The following KCNH5 variants were observed in gnomAD, a reference collection of about 807,000 sequenced individuals.
The protein encoded by KCNH5 is potassium voltage-gated channel subfamily H member 5, also known as voltage-gated delayed rectifier potassium channel KCNH5.
A neutral mutation model predicts 96.1 loss-of-function variants in KCNH5; 46 were observed. The ratio of observed to expected loss-of-function variants is 0.48; its 90% CI spans 0.38 to 0.61. The LOEUF (loss-of-function observed/expected upper bound fraction) is 0.61. KCNH5 is among the 20% of genes least tolerant of loss of function. The pLI is 0.00. For missense variants in KCNH5, 907 were observed against 1,225.8 expected, an observed-to-expected ratio of 0.74 and a Z score of 3.88; for synonymous variants, 439 against 449.8, an observed-to-expected ratio of 0.98 and a Z score of 0.30.
At chr14:62,942,634 A>G (rs895399284) in intron 7 of KCNH5, among the ~76,000 whole-genome samples, 3 of 152,124 alleles carry the variant, frequency 2.0e-5, no homozygotes, top group Non-Finnish European at 4.4e-5. Context: ...TACACATCCC[A>G]CTGGCAGATG....
At chr14:63,044,256 A>T (rs370460921) in intron 1 of KCNH5, among the ~76,000 whole-genome samples, 24 of 152,352 alleles carry the variant, frequency 1.6e-4, no homozygotes, top group African/African-American at 5.5e-4. Flanking sequence ...TAAGATGCAA[A>T]GTTTATAAGG....
intron 4 of KCNH5, among the ~76,000 whole-genome samples, chr14:62,991,357 T>A (rs960593636): frequency 1.3e-5 from 2 of 151,890 alleles, no homozygotes; most frequent in African/African-American, 4.8e-5. Flanking sequence ...CTGGAAGTGT[T>A]AAGGATTATA....
At chr14:62,993,570 A>G (rs1025252539) in intron 4 of KCNH5, among the ~76,000 whole-genome samples, 2 of 152,018 alleles carry the variant, frequency 1.3e-5, no homozygotes, top group Non-Finnish European at 2.9e-5. Context: ...ACTTTGAAGT[A>G]GATTCTAAAT....
intron 2 of KCNH5, among the ~76,000 whole-genome samples, chr14:63,015,718 C>T (rs768084150): frequency 2.9e-4 from 44 of 151,920 alleles, no homozygotes; most frequent in Admixed American, 1.6e-3. Context: ...GCAGTTATAA[C>T]GCCCTGTGGA....
rs951183208 is a variant in KCNH5, at chr14:63,045,436, C to T, written c.-250G>A. 1.3e-5 allele frequency: 7 copies of T among 523,774 alleles called. No homozygotes were observed. Among genetic ancestry groups the T allele is most frequent in the Middle Eastern group, 5.1e-4 (1 of 1,944 alleles). 32.4% of individuals were successfully genotyped at this position (523,774 alleles called of 1,614,324 possible). On this transcript the variant is annotated 5_prime_UTR_variant, in exon 1 of 11. Coordinates refer to ENST00000322893, the MANE Select transcript of KCNH5 (RefSeq NM_139318.5). ...GCCGCTGCCCAGACTGTGGCGGTGC[C>T]GCACACGGGGCTCGGGAACTGCAGG...
Position 62,761,359 on chromosome 14 carries a change from A to ATC in KCNH5, c.2019+18368_2019+18369insGA, listed in dbSNP as rs1424062867. 7.5e-4 allele frequency among the ~76,000 whole-genome samples: 106 copies of ATC among 140,444 alleles called. No individual in the cohort carries two copies. The Middle Eastern group carries it at 0.011, about 14-fold the overall frequency. 92.1% of individuals were successfully genotyped at this position (140,444 alleles called of 152,430 possible). Reference sequence around the variant, plus strand: ...GACAGAATGAGACTCACTCTCTCAAAAAAAAAAAAAAAAGGATTATGGTCC... The same window carrying ATC: ...GACAGAATGAGACTCACTCTCTCAAATCAAAAAAAAAAAAAGGATTATGGTCC... On this transcript the variant is annotated intron_variant, in intron 10 of 10. Transcript: ENST00000322893.
intron 6 of KCNH5, among the ~76,000 whole-genome samples, chr14:62,955,966 C>A (rs547856789): frequency 6.6e-6 from 1 of 152,290 alleles, no homozygotes; most frequent in South Asian, 2.1e-4. Context: ...GAGTGCATTT[C>A]CCACAACAAC....
intron 7 of KCNH5, among the ~76,000 whole-genome samples, chr14:62,946,047 T>C (rs80282810): frequency 0.019 from 2,953 of 151,882 alleles, 60 homozygotes; most frequent in East Asian, 0.082. Flanking sequence ...GGGATAGAGA[T>C]TGTAGGGCAA....
intron 10 of KCNH5, among the ~76,000 whole-genome samples, chr14:62,777,455 T>C (rs1405540472): frequency 6.6e-6 from 1 of 152,216 alleles, no homozygotes; most frequent in Non-Finnish European, 1.5e-5. Flanking sequence ...CCTGGCTATA[T>C]ACAACATGTT....
chr14:63,041,321 T>A (rs1279782910), intron 1 of KCNH5, among the ~76,000 whole-genome samples: 3 of 152,118 alleles, frequency 2.0e-5, no homozygotes, highest in African/African-American at 7.2e-5. Context: ...CAATTTAGAT[T>A]AATAGTTTGC....
chr14:63,020,863 A>G (rs1403819585), intron 1 of KCNH5, among the ~76,000 whole-genome samples: 1 of 152,152 alleles, frequency 6.6e-6, no homozygotes, highest in African/African-American at 2.4e-5. Context: ...TAGTAAAACA[A>G]TGGTACTTGA....
intron 8 of KCNH5, among the ~76,000 whole-genome samples, chr14:62,834,105 G>A (rs868345662): frequency 2.0e-4 from 30 of 151,982 alleles, no homozygotes; most frequent in African/African-American, 7.2e-4. Flanking sequence ...TTCTCTCGTG[G>A]CTTTTATAAA....
chr14:62,740,696 T>C lies in KCNH5; in HGVS notation c.2020-32241A>G, dbSNP rs138089743. ...TTTGATGAGCTACACATAAAAGATA[T>C]TTAACATGGAGGTAGAAATGCAGGT... On this transcript the variant is annotated intron_variant, in intron 10 of 10. Coordinates refer to ENST00000322893, the MANE Select transcript of KCNH5 (RefSeq NM_139318.5). Among the ~76,000 whole-genome samples, 992 of 152,276 alleles carry C rather than the reference T, an allele frequency of 6.5e-3. 6 individuals are homozygous for C. Among genetic ancestry groups the C allele is most frequent in the South Asian group, 0.019 (92 of 4,824 alleles).
chr14:63,035,260 G>A (rs1891701534), intron 1 of KCNH5, among the ~76,000 whole-genome samples: 1 of 152,116 alleles, frequency 6.6e-6, no homozygotes, highest in Non-Finnish European at 1.5e-5. Context: ...TTTCTTTGAA[G>A]TTACCCTTTA....
intron 7 of KCNH5, among the ~76,000 whole-genome samples, chr14:62,906,274 A>T (rs1370835414): frequency 7.9e-5 from 12 of 152,152 alleles, no homozygotes. Flanking sequence ...TCACAAATAT[A>T]GTATGTCTGT....
At chr14:63,021,907 A>C (rs1023799507) in intron 1 of KCNH5, among the ~76,000 whole-genome samples, 1 of 152,166 alleles carries the variant, frequency 6.6e-6, no homozygotes, top group Non-Finnish European at 1.5e-5. Flanking sequence ...AGTATACATT[A>C]GAGTGCCTTC....
intron 4 of KCNH5, among the ~76,000 whole-genome samples, chr14:63,000,299 G>C (rs531856557): frequency 1.3e-5 from 2 of 152,234 alleles, no homozygotes; most frequent in East Asian, 3.9e-4. Context: ...TTTCCTAAGA[G>C]ATTATTAAAA....
At chr14:62,713,702 A>G (rs1407899783) in intron 10 of KCNH5, among the ~76,000 whole-genome samples, 3 of 152,236 alleles carry the variant, frequency 2.0e-5, no homozygotes, top group Non-Finnish European at 4.4e-5. Flanking sequence ...AAAGTATGAT[A>G]GTTCTTTGTT....
Position 62,929,038 on chromosome 14 carries a change from G to A in KCNH5, c.1369+21095C>T, listed in dbSNP as rs549435555. On this transcript the variant is annotated intron_variant, in intron 7 of 10. Transcript: ENST00000322893. ...CTGCCTACGAGACATATGTACTTAC[G>A]TGTCTATGCAGCGTCTCAAACTTAA... Among the ~76,000 whole-genome samples the A allele has an allele frequency of 2.7e-5, 4 of 150,498 alleles. No individual in the cohort carries two copies. The South Asian group carries it at 6.2e-4, about 23-fold the overall frequency.
Sources: gnomAD v4.1 joint callset for allele counts (sites outside exome capture counted in the v4.1 genomes callset) on GRCh38, gnomAD v4.1.1 for gene constraint, MANE v1.5 for transcripts, NCBI Gene and HGNC (gene_info 2026-07-23, HGNC 2026-07-21) for gene names.